Variants in FBXW11 observed in about 807,000 individuals in gnomAD.
FBXW11 encodes the protein F-box/WD repeat-containing protein 11.
A neutral mutation model predicts 77.6 loss-of-function variants in FBXW11; 19 were observed. That is an observed-to-expected ratio of 0.24 (90% CI 0.17 to 0.36). The LOEUF (loss-of-function observed/expected upper bound fraction) is 0.36. Ranked by LOEUF, FBXW11 falls within the 10% of genes least tolerant of loss-of-function variation. The pLI is 1.00. For synonymous variants in FBXW11, 235 were observed against 249.4 expected, an observed-to-expected ratio of 0.94 and a Z score of 0.54; for missense variants, 334 against 704.2, an observed-to-expected ratio of 0.47 and a Z score of 5.95.
intron 1 of FBXW11, among the ~76,000 whole-genome samples, chr5:171,969,019 T>C (rs982205696): frequency 1.3e-5 from 2 of 151,816 alleles, no homozygotes; most frequent in African/African-American, 4.8e-5. Context: ...CCTGTAATCC[T>C]AGCACTCTGG....
chr5:171,918,037 G>A (rs541302252), intron 2 of FBXW11, among the ~76,000 whole-genome samples: 57 of 152,016 alleles, frequency 3.7e-4, no homozygotes, highest in African/African-American at 1.3e-3. Flanking sequence ...ACAGCCTGGC[G>A]TAATTCCTTC....
intron 7 of FBXW11, among the ~76,000 whole-genome samples, chr5:171,889,341 A>G: frequency 6.6e-6 from 1 of 152,098 alleles, no homozygotes; most frequent in Admixed American, 6.6e-5. Flanking sequence ...CAGCCGGGTC[A>G]ACATGGTGAA....
intron 7 of FBXW11, among the ~76,000 whole-genome samples, chr5:171,888,147 T>C (rs1364072173): frequency 1.3e-5 from 2 of 152,076 alleles, no homozygotes; most frequent in Non-Finnish European, 2.9e-5. Context: ...GCTCCAGTCA[T>C]GACGACACAC....
rs1374057587 is a variant in FBXW11 at position 172,000,108 on chromosome 5, G to A, written c.45+6350C>T. On this transcript the variant is annotated intron_variant, in intron 1 of 13. Transcript: ENST00000517395. ...TCAGCAGAAACTAACCAAGGGTAAC[G>A]AGCACATTCTTAACCAACACGTTTC... Among the ~76,000 whole-genome samples, 4 of 151,472 alleles carry A rather than the reference G, an allele frequency of 2.6e-5. No homozygotes were observed. In the South Asian group the frequency reaches 8.3e-4, roughly 31 times the overall value.
At chr5:171,954,045 A>C (rs1481266411) in intron 2 of FBXW11, among the ~76,000 whole-genome samples, 1 of 152,200 alleles carries the variant, frequency 6.6e-6, no homozygotes, top group Non-Finnish European at 1.5e-5. Context: ...CATTCCAAGC[A>C]ATCAGTCCTA....
chr5:171,998,731 A>G lies in FBXW11; in HGVS notation c.45+7727T>C, dbSNP rs148508243. Among the ~76,000 whole-genome samples the G allele has an allele frequency of 3.5e-3, 511 of 146,316 alleles. 2 individuals are homozygous for G. Among genetic ancestry groups the G allele is most frequent in the African/African-American group, 0.012 (491 of 39,470 alleles). On this transcript the variant is annotated intron_variant, in intron 1 of 13. Transcript: ENST00000517395. ...AGAATCACTTGAACCCGGGAGACAG[A>G]GGCTGCAGTGAGCTGAGATCGTGCC...
At chr5:171,867,822 A>C (rs1446480897) in intron 13 of FBXW11, 1 of 152,234 alleles carries the variant, frequency 6.6e-6, no homozygotes, top group Non-Finnish European at 1.5e-5. Context: ...TTATATACAT[A>C]TATCCATAGT....
chr5:171,882,673 G>A (rs1414188966), intron 7 of FBXW11, among the ~76,000 whole-genome samples: 3 of 143,888 alleles, frequency 2.1e-5, no homozygotes, highest in Admixed American at 7.4e-5. Flanking sequence ...ATTATGTTAT[G>A]TAACCTTAAA....
chr5:171,976,938 T>C lies in FBXW11; in HGVS notation c.46-19240A>G, dbSNP rs562562382. The stretch of plus-strand genomic sequence containing the variant: ...GTGCATGTCTGTAATCCCAGCTACC[T>C]GGGAGGCTAAGGCAGGAGAGTCGCT... On this transcript the variant is annotated intron_variant, in intron 1 of 13. Coordinates refer to ENST00000517395, the MANE Select transcript of FBXW11 (RefSeq NM_001378974.1). Among the ~76,000 whole-genome samples the C allele has an allele frequency of 6.0e-4, 91 of 151,132 alleles. 1 individual carries two copies. The highest frequency in any genetic ancestry group is 3.4e-3 in the Middle Eastern group (1 of 292).
At chr5:171,911,302 AAC>A (rs775651478) in intron 3 of FBXW11, among the ~76,000 whole-genome samples, 3 of 152,220 alleles carry the variant, frequency 2.0e-5, no homozygotes, top group Non-Finnish European at 4.4e-5. Context: ...GGGATTGTTA[AAC>A]ACACAGATTG....
intron 2 of FBXW11, among the ~76,000 whole-genome samples, chr5:171,937,196 C>T (rs1456271220): frequency 6.6e-6 from 1 of 152,074 alleles, no homozygotes; most frequent in Non-Finnish European, 1.5e-5. Context: ...TGGAGCTAGA[C>T]AAAATGATAC....
intron 2 of FBXW11, among the ~76,000 whole-genome samples, chr5:171,946,171 C>A (rs1762998021): frequency 6.6e-6 from 1 of 152,168 alleles, no homozygotes; most frequent in African/African-American, 2.4e-5. Flanking sequence ...CTTGCCTGAG[C>A]TTCCAGCCTA....
In FBXW11 at chr5:171,891,396, G is replaced by A. The variant is rs577988709; in HGVS notation, c.852+71C>T. 5 of 1,388,172 alleles carry A rather than the reference G, an allele frequency of 3.6e-6. No individual in the cohort carries two copies. The Admixed American group carries it at 7.1e-5, about 20-fold the overall frequency. 86.0% of individuals were successfully genotyped at this position (1,388,172 alleles called of 1,614,324 possible). A position where few individuals can be genotyped will look rare whatever the true frequency, so the allele number is the denominator to read the frequency against. ...AAAACCAATCTAGAGTAAATGGAAA[G>A]ATTGTCACATCTAGTGTCTAACACA... is the stretch of plus-strand genomic sequence containing the variant. On this transcript the variant is annotated intron_variant, in intron 7 of 13. Coordinates refer to ENST00000517395, the MANE Select transcript of FBXW11 (RefSeq NM_001378974.1).
intron 2 of FBXW11, among the ~76,000 whole-genome samples, chr5:171,925,809 G>T (rs1056946684): frequency 6.6e-6 from 1 of 152,168 alleles, no homozygotes; most frequent in Non-Finnish European, 1.5e-5. Context: ...TTACAAAGTA[G>T]ATTTTTAAAA....
At chr5:171,957,514 G>C (rs948747831) in intron 2 of FBXW11, 83 bp downstream of exon 2, 9 of 1,218,356 alleles carry the variant, frequency 7.4e-6, no homozygotes. Context: ...ACTTAACATT[G>C]GATTAAACAC....
At position 171,863,851 on chromosome 5, in the gene FBXW11, T is replaced by C. The variant is rs1254192563; in HGVS notation, c.*276A>G. 1.3e-5 allele frequency: 2 copies of C among 152,590 alleles called. No individual in the cohort carries two copies. Among genetic ancestry groups the C allele is most frequent in the Non-Finnish European group, 2.9e-5 (2 of 68,042 alleles). 9.5% of individuals were successfully genotyped at this position (152,590 alleles called of 1,614,324 possible). On this transcript the variant is annotated 3_prime_UTR_variant, in exon 14 of 14. Transcript: ENST00000517395. ...GTTCCTTTTCTATGAACAATTTACA[T>C]TTGAAACATTAGATTTTTTCACTGA...
intron 2 of FBXW11, among the ~76,000 whole-genome samples, chr5:171,925,212 A>T (rs1174815624): frequency 6.6e-6 from 1 of 152,170 alleles, no homozygotes; most frequent in African/African-American, 2.4e-5. Flanking sequence ...ATAAACATAA[A>T]TTTCATTTCT....
At chr5:171,950,748 G>A (rs574493235) in intron 2 of FBXW11, among the ~76,000 whole-genome samples, 7 of 152,212 alleles carry the variant, frequency 4.6e-5, no homozygotes, top group South Asian at 2.1e-4. Context: ...TTAGCCAGGC[G>A]TGGTGGCGCA....
intron 1 of FBXW11, among the ~76,000 whole-genome samples, chr5:171,963,244 C>T (rs1418683713): frequency 6.6e-6 from 1 of 151,680 alleles, no homozygotes; most frequent in Non-Finnish European, 1.5e-5. Flanking sequence ...TGAACTTAAC[C>T]CACCCAAAGG....
Sources: allele counts gnomAD v4.1 joint callset (sites outside exome capture counted in the v4.1 genomes callset), GRCh38; gene constraint gnomAD v4.1.1; transcripts MANE v1.5; gene names NCBI Gene and HGNC (gene_info 2026-07-23, HGNC 2026-07-21).